Variants in MYO9B observed in about 807,000 individuals in gnomAD.
MYO9B encodes the protein unconventional myosin-IXb.
Under a neutral mutation model 229.5 loss-of-function variants are expected in MYO9B, and 71 were observed. The ratio of observed to expected loss-of-function variants is 0.31; its 90% CI spans 0.26 to 0.38. The LOEUF (loss-of-function observed/expected upper bound fraction) is 0.38. Among genes scored for constraint, MYO9B ranks in the 10% least tolerant of loss-of-function variants. MYO9B has a pLI of 1.00. For synonymous variants in MYO9B, 1,185 were observed against 1,235.8 expected (o/e 0.96, Z 0.86); for missense variants, 2,255 against 2,920.5 (o/e 0.77, Z 5.25).
chr19:17,086,711 C>A (rs1366510332), intron 1 of MYO9B, among the ~76,000 whole-genome samples: 1 of 152,124 alleles, frequency 6.6e-6, no homozygotes, highest in African/African-American at 2.4e-5. Flanking sequence ...GAAACCCTGT[C>A]TCTACTAAAA....
At chr19:17,153,478 G>T (rs2072502889) in intron 4 of MYO9B, among the ~76,000 whole-genome samples, 1 of 151,450 alleles carries the variant, frequency 6.6e-6, no homozygotes, top group Admixed American at 6.6e-5. Context: ...CATGAACCCA[G>T]GAGTTCGAGA....
At chr19:17,196,224 G>C (rs2145466130) in intron 22 of MYO9B, among the ~76,000 whole-genome samples, 1 of 151,778 alleles carries the variant, frequency 6.6e-6, no homozygotes, top group Middle Eastern at 3.4e-3. Flanking sequence ...GATGATGGAG[G>C]GATGGATGGA....
At position 17,202,877 on chromosome 19, in the gene MYO9B, G is replaced by A; in HGVS notation, c.4872G>A (p.Glu1624=). 1.2e-6 allele frequency: 2 copies of A among 1,602,030 alleles called. No homozygotes were observed. ...SKAQKKKRKQ[E]RAVQEHNGHV... ...CTCAGAAGAAGAAGCGGAAGCAGGAGCGTGCTGTGAGTAGGCTGCACATAG... is the reference window on the plus strand; with the variant it reads ...CTCAGAAGAAGAAGCGGAAGCAGGAACGTGCTGTGAGTAGGCTGCACATAG... The change falls in exon 29 of 40, where the codon GAG becomes GAA. Residue 1624 remains glutamate, a synonymous_variant. Transcript: ENST00000682292.
Position 17,195,578 on chromosome 19 carries a change from G to A in MYO9B, c.4046+105G>A. On this transcript the variant is annotated intron_variant, in intron 22 of 39. Coordinates refer to ENST00000682292, the MANE Select transcript of MYO9B (RefSeq NM_004145.4). The surrounding 1 kb of genome is among the most constrained non-coding windows in gnomAD (Gnocchi z 4.5). ...GGAAACACATGTGTAATCATGCCCA[G>A]TGGGTGTGCGGGAGGCCTGAGGGAG... is the stretch of plus-strand genomic sequence containing the variant. The A allele has an allele frequency of 2.9e-6, 4 of 1,399,654 alleles. No individual in the cohort carries two copies. The highest frequency in any genetic ancestry group is 3.9e-6 in the Non-Finnish European group (4 of 1,036,162). The allele number at this position is 1,399,654 out of a possible 1,614,324, so 86.7% of individuals were successfully genotyped here.
intron 2 of MYO9B, among the ~76,000 whole-genome samples, chr19:17,118,905 G>A (rs1001487432): frequency 6.6e-6 from 1 of 152,152 alleles, no homozygotes; most frequent in Non-Finnish European, 1.5e-5. Flanking sequence ...AGACGACAAG[G>A]GCAGGCAGCC....
chr19:17,206,421 G>A (rs548357857), intron 33 of MYO9B, 45 bp downstream of exon 33: 1 of 1,596,948 alleles, frequency 6.3e-7, no homozygotes, highest in East Asian at 2.2e-5. Flanking sequence ...GCCACAGCCA[G>A]GATACAGCGT....
chr19:17,125,098 G>A lies in MYO9B; in HGVS notation c.841-20299G>A, dbSNP rs572840427. Among the ~76,000 whole-genome samples the A allele has an allele frequency of 1.6e-4, 24 of 151,800 alleles. No individual in the cohort carries two copies. The East Asian group carries it at 4.1e-3, about 26-fold the overall frequency. On this transcript the variant is annotated intron_variant, in intron 2 of 39. Transcript: ENST00000682292. ...GCAGATCAGTTGAGCTTAGGAGTTC[G>A]AGACCAGCCTGGGCAACATAATGAA...
At chr19:17,096,576 A>T (rs568310510) in intron 1 of MYO9B, among the ~76,000 whole-genome samples, 1 of 150,860 alleles carries the variant, frequency 6.6e-6, no homozygotes, top group Non-Finnish European at 1.5e-5. Context: ...GTGAGCTGAG[A>T]TCATGCCACT....
Position 17,102,235 on chromosome 19 carries a change from A to G in MYO9B, c.518A>G (p.Gln173Arg), listed in dbSNP as rs188127349. 240 of 1,550,438 alleles carry G rather than the reference A, an allele frequency of 1.5e-4. No homozygotes were observed. Among genetic ancestry groups the G allele is most frequent in the Non-Finnish European group, 2.1e-4 (236 of 1,147,538 alleles). The change falls in exon 2 of 40, where the codon CAA becomes CGA. Residue 173 changes from glutamine (Q) to arginine (R), a missense_variant. Physicochemically the swap from Gln to Arg is conservative, Grantham distance 43 (BLOSUM62 1). This residue lies in a region of MYO9B where 386 missense variants were observed against 515.2 expected (regional missense o/e 0.75). Transcript: ENST00000682292. ...LKNLKHRFLQQKIYTYAGSIL... is the reference protein window; with the variant it reads ...LKNLKHRFLQRKIYTYAGSIL... ...AACCTCAAGCACCGCTTCCTGCAAC[A>G]AAAGATCTACACGTACGCGGGGAGC...
chr19:17,111,833 A>AT (rs1462774609), intron 2 of MYO9B, among the ~76,000 whole-genome samples: 9 of 152,082 alleles, frequency 5.9e-5, no homozygotes, highest in Admixed American at 5.9e-4. Context: ...TCCTGTCTCT[A>AT]TGGATCTGCC....
At position 17,168,031 on chromosome 19, in the gene MYO9B, C is replaced by T. The variant is rs2072679569; in HGVS notation, c.1760C>T (p.Thr587Met). The T allele has an allele frequency of 2.5e-6, 4 of 1,612,584 alleles. No individual in the cohort carries two copies. The highest frequency in any genetic ancestry group is 3.4e-6 in the Non-Finnish European group (4 of 1,179,434). Residue 587 changes from threonine (T) to methionine (M), a missense_variant, in exon 11 of 40, where the codon ACG (threonine) becomes ATG (methionine). Coordinates refer to ENST00000682292, the MANE Select transcript of MYO9B (RefSeq NM_004145.4). ...GCIHLISKKP[T>M]GLFYLLDEES... ...ATCCATCTCATCAGCAAGAAACCCA[C>T]GGGCCTCTTCTACCTGCTGGACGAG... is the stretch of plus-strand genomic sequence containing the variant.
chr19:17,105,319 C>CAAA (rs36000160), intron 2 of MYO9B, among the ~76,000 whole-genome samples: 18 of 71,656 alleles, frequency 2.5e-4, no homozygotes, highest in African/African-American at 5.8e-4. Context: ...CTGTCTCTAC[C>CAAA]AAAAAAAAAA....
At chr19:17,167,790 A>C in intron 10 of MYO9B, 153 bp from the exon 11 acceptor site, 1 of 1,021,500 alleles carries the variant, frequency 9.8e-7, no homozygotes, top group Non-Finnish European at 1.4e-6. Context: ...TATTAGAGTT[A>C]ATTTTAAGCC....
intron 8 of MYO9B, 92 bp from the exon 9 acceptor site, chr19:17,162,258 T>C (rs1395984219): frequency 9.4e-7 from 1 of 1,059,072 alleles, no homozygotes; most frequent in Non-Finnish European, 1.4e-6. Flanking sequence ...TGAGCCGAGA[T>C]CATGCCACTG....
chr19:17,206,910 TG>T, intron 34 of MYO9B, 126 bp downstream of exon 34: 1 of 1,207,206 alleles, frequency 8.3e-7, no homozygotes. Flanking sequence ...AGACCACTGT[TG>T]GGGGTTCTGG....
intron 15 of MYO9B, 144 bp from the exon 16 acceptor site, chr19:17,183,685 G>A (rs938261493): frequency 1.6e-6 from 1 of 642,884 alleles, no homozygotes. Flanking sequence ...AGGTGGCGGT[G>A]GCCTTGTTGC....
intron 2 of MYO9B, among the ~76,000 whole-genome samples, chr19:17,110,937 C>G (rs563611621): frequency 7.2e-5 from 11 of 152,234 alleles, no homozygotes; most frequent in African/African-American, 1.9e-4. Flanking sequence ...CCTTAGGGGC[C>G]CTACAAACCC....
In MYO9B at chr19:17,206,356, G is replaced by A; in HGVS notation, c.5366G>A (p.Gly1789Asp). ...CCCCTCATGACCTTCGCACAGTACG[G>A]CGACTTCCTCCGAGCCGTCGGTGAG... ...PEPLMTFAQY[G>D]DFLRAVELPE... The change falls in exon 33 of 40, where the codon GGC becomes GAC. Residue 1789 changes from glycine to aspartate, a missense_variant. Coordinates refer to ENST00000682292, the MANE Select transcript of MYO9B (RefSeq NM_004145.4). 6.2e-7 allele frequency: 1 copy of A among 1,610,752 alleles called. No individual in the cohort carries two copies. Among genetic ancestry groups the A allele is most frequent in the Non-Finnish European group, 8.5e-7 (1 of 1,179,582 alleles).
At chr19:17,129,283 T>C (rs1177171309) in intron 2 of MYO9B, among the ~76,000 whole-genome samples, 1 of 152,110 alleles carries the variant, frequency 6.6e-6, no homozygotes, top group Non-Finnish European at 1.5e-5. Flanking sequence ...GCTCCTGTAG[T>C]TGCAGCTACT....
Sources: gnomAD v4.1 joint callset for allele counts (sites outside exome capture counted in the v4.1 genomes callset) on GRCh38, gnomAD v4.1.1 for gene constraint, gnomAD v4.1.1 regional missense constraint, Gnocchi (gnomAD v3.1) non-coding constraint, MANE v1.5 for transcripts, NCBI Gene and HGNC (gene_info 2026-07-23, HGNC 2026-07-21) for gene names.